The following PPM1A variants were observed in gnomAD, a reference collection of about 807,000 sequenced individuals.
The protein encoded by PPM1A is protein phosphatase 1A.
A neutral mutation model predicts 35.0 loss-of-function variants in PPM1A; 7 were observed. That is an observed-to-expected ratio of 0.20 (90% CI 0.11 to 0.38). The LOEUF (loss-of-function observed/expected upper bound fraction) is 0.38. Ranked by LOEUF, PPM1A falls within the 10% of genes least tolerant of loss-of-function variation. The pLI is 1.00. For synonymous variants in PPM1A, 153 were observed against 167.3 expected, an observed-to-expected ratio of 0.91 and a Z score of 0.66; for missense variants, 239 against 467.8, an observed-to-expected ratio of 0.51 and a Z score of 4.51.
At position 60,288,301 on chromosome 14, in the gene PPM1A, T is replaced by G. The variant is rs1595370215; in HGVS notation, c.953-1505T>G. The G allele has an allele frequency of 1.1e-5, 11 of 962,516 alleles. No individual in the cohort carries two copies. The South Asian group carries it at 2.4e-4, about 21-fold the overall frequency. 59.6% of individuals were successfully genotyped at this position (962,516 alleles called of 1,614,324 possible). On this transcript the variant is annotated intron_variant, in intron 3 of 5. Coordinates refer to ENST00000395076, the MANE Select transcript of PPM1A (RefSeq NM_021003.5). Reference sequence around the variant, plus strand: ...AATATAGATGATTCAAGGTAATGTTTTTTAGACCTGAAACTATTGATTCAA... The same window carrying G: ...AATATAGATGATTCAAGGTAATGTTGTTTAGACCTGAAACTATTGATTCAA...
intron 1 of PPM1A, among the ~76,000 whole-genome samples, chr14:60,279,179 C>G (rs1886099455): frequency 6.6e-6 from 1 of 152,218 alleles, no homozygotes; most frequent in African/African-American, 2.4e-5. Flanking sequence ...AGTGCAATGG[C>G]ATGATCTTGG....
Position 60,286,852 on chromosome 14 carries a change from T to A in PPM1A, c.952+1111T>A, listed in dbSNP as rs147005275. On this transcript the variant is annotated intron_variant, in intron 3 of 5. Coordinates refer to ENST00000395076, the MANE Select transcript of PPM1A (RefSeq NM_021003.5). Reference sequence around the variant, plus strand: ...TTTGTACTATTTAGTATTGCATTCATTGGACGTACTATTCAACGAATTTGT... The same window carrying A: ...TTTGTACTATTTAGTATTGCATTCAATGGACGTACTATTCAACGAATTTGT... The A allele has an allele frequency of 9.9e-4, 975 of 983,858 alleles. 12 individuals are homozygous for A. The African/African-American group carries it at 0.016, about 16-fold the overall frequency. The allele number at this position is 983,858 out of a possible 1,614,324, so 60.9% of individuals were successfully genotyped here.
At chr14:60,255,885 T>C (rs1453080100) in intron 1 of PPM1A, among the ~76,000 whole-genome samples, 2 of 152,240 alleles carry the variant, frequency 1.3e-5, no homozygotes, top group Admixed American at 6.5e-5. Context: ...AGGACATTTA[T>C]AATCACATAT....
chr14:60,278,442 A>G (rs994307120), intron 1 of PPM1A, among the ~76,000 whole-genome samples: 11 of 152,072 alleles, frequency 7.2e-5, no homozygotes, highest in Admixed American at 2.0e-4. Context: ...ATTTAGAAAA[A>G]CTAAAGCAGA....
Position 60,282,961 on chromosome 14 carries a change from A to G in PPM1A, c.258A>G (p.Lys86=). 1 of 1,614,240 alleles carries G rather than the reference A, an allele frequency of 6.2e-7. No homozygotes were observed. ...LDHITNNQDF[K]GSAGAPSVEN... The stretch of plus-strand genomic sequence containing the variant: ...ACATCACCAATAACCAGGATTTTAA[A>G]GGGTCTGCAGGAGCACCTTCTGTGG... The change falls in exon 2 of 6, where the codon AAA becomes AAG. Residue 86 remains lysine (K), a synonymous_variant. Coordinates refer to ENST00000395076, the MANE Select transcript of PPM1A (RefSeq NM_021003.5). The surrounding 1 kb of genome is among the most constrained non-coding windows in gnomAD (Gnocchi z 5.1).
At chr14:60,260,867 A>G (rs1241916650) in intron 1 of PPM1A, among the ~76,000 whole-genome samples, 1 of 152,176 alleles carries the variant, frequency 6.6e-6, no homozygotes, top group Non-Finnish European at 1.5e-5. Flanking sequence ...TACAACTTAA[A>G]TAACAATTCT....
chr14:60,249,282 C>G lies in PPM1A; in HGVS notation c.-416C>G. The G allele has an allele frequency of 3.1e-6, 3 of 967,156 alleles. No homozygotes were observed. The highest frequency in any genetic ancestry group is 4.7e-5 in the South Asian group (1 of 21,366). 59.9% of individuals were successfully genotyped at this position (967,156 alleles called of 1,614,324 possible). A position where few individuals can be genotyped will look rare whatever the true frequency, so the allele number is the denominator to read the frequency against. On this transcript the variant is annotated 5_prime_UTR_variant, in exon 1 of 6. Transcript: ENST00000395076. This position sits in a 1 kb window ranked among gnomAD's most constrained non-coding sequence, Gnocchi z 4.5. The stretch of plus-strand genomic sequence containing the variant: ...GGGAGCGCGCGCGGGAGCTAGAGAG[C>G]AGTGGTCTCGGCGCTCGTCCGGCCC...
rs1211229911 is a variant in PPM1A at position 60,250,012 on chromosome 14, G to A, written c.-21+335G>A. Among the ~76,000 whole-genome samples the A allele has an allele frequency of 5.9e-5, 9 of 151,694 alleles. No homozygotes were observed. The South Asian group carries it at 1.9e-3, about 32-fold the overall frequency. The stretch of plus-strand genomic sequence containing the variant: ...CGACGGCCGCAGGCCGGCCTGGCCG[G>A]AGAGCGGCCTGCAGAACTTTTCCCG... On this transcript the variant is annotated intron_variant, in intron 1 of 5. Transcript: ENST00000395076.
intron 3 of PPM1A, chr14:60,287,195 A>T (rs1052045860): frequency 1.1e-6 from 1 of 944,486 alleles, no homozygotes; most frequent in Non-Finnish European, 1.3e-6. Context: ...TAGTGTGTAC[A>T]CTTTAAGTTT....
At chr14:60,285,247 T>C (rs1167738562) in intron 2 of PPM1A, among the ~76,000 whole-genome samples, 2 of 152,228 alleles carry the variant, frequency 1.3e-5, no homozygotes, top group East Asian at 1.9e-4. Flanking sequence ...TTTTCTGTCA[T>C]GTTGTATGGA....
intron 2 of PPM1A, among the ~76,000 whole-genome samples, chr14:60,284,984 C>T (rs1007759421): frequency 4.0e-5 from 6 of 151,618 alleles, no homozygotes; most frequent in Admixed American, 3.9e-4. Flanking sequence ...ATTTGATACT[C>T]AAATATTTAA....
At chr14:60,246,652 TC>T (rs1463534855), upstream of PPM1A, among the ~76,000 whole-genome samples, 1 of 152,040 alleles carries the variant, frequency 6.6e-6, no homozygotes, top group African/African-American at 2.4e-5. Context: ...CTTCTATCTG[TC>T]CCCCCTTCTT....
intron 1 of PPM1A, among the ~76,000 whole-genome samples, chr14:60,265,273 C>T (rs1407502507): frequency 6.6e-6 from 1 of 152,140 alleles, no homozygotes; most frequent in African/African-American, 2.4e-5. Flanking sequence ...TTAGTAGTAG[C>T]TTTTTCTGGC....
chr14:60,252,286 T>G (rs1882520531), intron 1 of PPM1A, among the ~76,000 whole-genome samples: 1 of 152,254 alleles, frequency 6.6e-6, no homozygotes, highest in Non-Finnish European at 1.5e-5. Context: ...TTTTAAGATG[T>G]AAATCTATGC....
intron 1 of PPM1A, among the ~76,000 whole-genome samples, chr14:60,257,591 A>G (rs1055770499): frequency 6.6e-6 from 1 of 152,192 alleles, no homozygotes; most frequent in African/African-American, 2.4e-5. Context: ...ATTTTAAAGA[A>G]TATGTTATTC....
At chr14:60,272,748 C>T (rs1483719803) in intron 1 of PPM1A, among the ~76,000 whole-genome samples, 10 of 147,150 alleles carry the variant, frequency 6.8e-5, no homozygotes, top group Admixed American at 6.7e-4. Context: ...CACTCAGATG[C>T]TCTTTATATC....
At chr14:60,276,537 A>G (rs1444418725) in intron 1 of PPM1A, among the ~76,000 whole-genome samples, 1 of 152,128 alleles carries the variant, frequency 6.6e-6, no homozygotes, top group Non-Finnish European at 1.5e-5. Flanking sequence ...TAACTCTGGT[A>G]TTTGCTAAGA....
intron 1 of PPM1A, among the ~76,000 whole-genome samples, chr14:60,280,775 T>A (rs1459272208): frequency 6.6e-6 from 1 of 152,214 alleles, no homozygotes; most frequent in Non-Finnish European, 1.5e-5. Context: ...GAATCACATA[T>A]GAAAATTTAA....
At chr14:60,248,553 T>C (rs570781053), upstream of PPM1A, 200 of 152,712 alleles carry the variant, frequency 1.3e-3, 1 homozygote, top group Admixed American at 3.0e-3. Context: ...TGGCACCTGC[T>C]TGGGCTTCCT....
Sources: allele counts gnomAD v4.1 joint callset (sites outside exome capture counted in the v4.1 genomes callset), GRCh38; gene constraint gnomAD v4.1.1; non-coding constraint Gnocchi (gnomAD v3.1); transcripts MANE v1.5; gene names NCBI Gene and HGNC (gene_info 2026-07-23, HGNC 2026-07-21).